Variants in NIPAL2 observed in about 807,000 individuals in gnomAD.
NIPAL2 encodes NIPA like domain containing 2, also known as NIPA-like protein 2.
In NIPAL2, 43 loss-of-function variants were observed where a neutral mutation model predicts 48.9. That is an observed-to-expected ratio of 0.88 (90% CI 0.69 to 1.13). The LOEUF (loss-of-function observed/expected upper bound fraction) is 1.13, where lower values mean the gene tolerates loss of function less well. Among genes scored for constraint, NIPAL2 ranks in the 50% most tolerant of loss-of-function variants. The pLI, the probability that NIPAL2 is intolerant of heterozygous loss-of-function variation, is 0.00. For missense variants in NIPAL2, 446 were observed against 461.4 expected (o/e 0.97, Z 0.31); for synonymous variants, 167 against 174.6 (o/e 0.96, Z 0.34).
chr8:98,260,651 G>T (rs1039227694), intron 1 of NIPAL2, among the ~76,000 whole-genome samples: 1 of 152,164 alleles, frequency 6.6e-6, no homozygotes, highest in Non-Finnish European at 1.5e-5. Flanking sequence ...CTCGCTGATT[G>T]CTAGCACAGC....
At chr8:98,271,104 T>A (rs894539998) in intron 1 of NIPAL2, among the ~76,000 whole-genome samples, 1 of 152,218 alleles carries the variant, frequency 6.6e-6, no homozygotes, top group Non-Finnish European at 1.5e-5. Flanking sequence ...TATAGCCTTC[T>A]AGTATAGTTT....
chr8:98,294,024 G>T lies in NIPAL2; in HGVS notation c.114C>A (p.Gly38=), dbSNP rs576114727. The change falls in exon 1 of 11, where the codon GGC becomes GGA. Residue 38 remains glycine, a synonymous_variant. Transcript: ENST00000430223. ...TTACCTGGTTCCTGCGGTACCAGTC[G>T]CCCGAGAGGGAGCCGTTGCCGGCGC... ...APGAGNGSLS[G]DWYRRNQIHL... The T allele has an allele frequency of 3.3e-6, 5 of 1,495,254 alleles. No individual in the cohort carries two copies. Among genetic ancestry groups the T allele is most frequent in the African/African-American group, 1.5e-5 (1 of 68,510 alleles). 92.6% of individuals were successfully genotyped at this position (1,495,254 alleles called of 1,614,324 possible).
chr8:98,254,114 T>A, intron 1 of NIPAL2, 27 bp from the exon 2 acceptor site: 1 of 1,556,668 alleles, frequency 6.4e-7, no homozygotes, highest in Non-Finnish European at 8.8e-7. Flanking sequence ...TTTCCTTAAA[T>A]AATACTTGTA....
At chr8:98,223,144 G>A (rs986237996) in intron 4 of NIPAL2, among the ~76,000 whole-genome samples, 1 of 152,192 alleles carries the variant, frequency 6.6e-6, no homozygotes, top group Non-Finnish European at 1.5e-5. Flanking sequence ...GCCATTTATT[G>A]GAGTCCTTTT....
intron 1 of NIPAL2, among the ~76,000 whole-genome samples, chr8:98,282,541 C>A (rs1006211453): frequency 3.3e-5 from 5 of 152,110 alleles, no homozygotes; most frequent in Non-Finnish European, 7.4e-5. Context: ...GGCGTGGTGG[C>A]ACGCACCTGT....
intron 1 of NIPAL2, among the ~76,000 whole-genome samples, chr8:98,266,500 C>T (rs1298644421): frequency 6.7e-6 from 1 of 149,484 alleles, no homozygotes; most frequent in Non-Finnish European, 1.5e-5. Context: ...TACTCGGGAG[C>T]CGAGATCATA....
At chr8:98,204,898 A>G (rs954413462) in intron 7 of NIPAL2, among the ~76,000 whole-genome samples, 1 of 152,116 alleles carries the variant, frequency 6.6e-6, no homozygotes, top group Admixed American at 6.6e-5. Flanking sequence ...TGCGCTTTAG[A>G]ACTCACAAGA....
chr8:98,272,149 G>A (rs114740329), intron 1 of NIPAL2, among the ~76,000 whole-genome samples: 158 of 152,248 alleles, frequency 1.0e-3, no homozygotes, highest in African/African-American at 3.7e-3. Context: ...AACTGAACCT[G>A]AGAGGTTTAA....
In NIPAL2 at chr8:98,273,444, G is replaced by A. The variant is rs542547939; in HGVS notation, c.136-19357C>T. 9.9e-5 allele frequency among the ~76,000 whole-genome samples: 15 copies of A among 152,134 alleles called. No individual in the cohort carries two copies. In the South Asian group the frequency reaches 2.7e-3, roughly 27 times the overall value. On this transcript the variant is annotated intron_variant, in intron 1 of 10. Coordinates refer to ENST00000430223, the MANE Select transcript of NIPAL2 (RefSeq NM_001321635.2). Reference sequence around the variant, plus strand: ...AAAATGTTCTAAAATTAATTGTGGTGATAGTTGCATAACTTTGTGATATAC... The same window carrying A: ...AAAATGTTCTAAAATTAATTGTGGTAATAGTTGCATAACTTTGTGATATAC...
At chr8:98,197,096 A>G (rs972957252) in intron 8 of NIPAL2, among the ~76,000 whole-genome samples, 8 of 144,166 alleles carry the variant, frequency 5.5e-5, no homozygotes, top group African/African-American at 1.5e-4. Flanking sequence ...TTTTTTTTCA[A>G]TTTTTTTCTT....
chr8:98,289,846 CT>C (rs1816399391), intron 1 of NIPAL2, among the ~76,000 whole-genome samples: 3 of 152,178 alleles, frequency 2.0e-5, no homozygotes, highest in Non-Finnish European at 4.4e-5. Flanking sequence ...TTGCACTATT[CT>C]TTCTTTAAGG....
At chr8:98,261,829 G>A (rs1329422399) in intron 1 of NIPAL2, among the ~76,000 whole-genome samples, 1 of 146,142 alleles carries the variant, frequency 6.8e-6, no homozygotes, top group African/African-American at 2.6e-5. Flanking sequence ...ATAATTGTCA[G>A]ATTCACCAAA....
intron 5 of NIPAL2, among the ~76,000 whole-genome samples, chr8:98,213,510 G>T (rs1163008867): frequency 6.6e-6 from 1 of 151,956 alleles, no homozygotes; most frequent in Non-Finnish European, 1.5e-5. Context: ...CTCCCTCCTG[G>T]ATCATAAAGT....
intron 4 of NIPAL2, among the ~76,000 whole-genome samples, chr8:98,225,018 A>C (rs7005080): frequency 0.73 from 111,254 of 152,010 alleles, 42,117 homozygotes; most frequent in South Asian, 0.85. Flanking sequence ...CTGCCACTCA[A>C]AGTTCTGGGA....
rs557824737 is a variant in NIPAL2, at chr8:98,220,964, C to CTTTTTTTTTTT, written c.558+1504_558+1514dup. ...TATTTCTCTATCAGTTCATTTCATT[C>CTTTTTTTTTTT]TTTTTTTTTTTTTTTTTTTTTTTTT... On this transcript the variant is annotated intron_variant, in intron 5 of 10. Coordinates refer to ENST00000430223, the MANE Select transcript of NIPAL2 (RefSeq NM_001321635.2). 3.2e-4 allele frequency among the ~76,000 whole-genome samples: 22 copies of CTTTTTTTTTTT among 68,670 alleles called. 1 individual carries two copies. The highest frequency in any genetic ancestry group is 7.0e-4 in the African/African-American group (11 of 15,688). The allele number at this position is 68,670 out of a possible 152,430, so 45.1% of individuals were successfully genotyped here.
At chr8:98,236,303 T>C (rs1563511154) in intron 3 of NIPAL2, 89 bp from the exon 4 acceptor site, 11 of 848,072 alleles carry the variant, frequency 1.3e-5, no homozygotes, top group Admixed American at 2.2e-5. Context: ...AATTTGTGCC[T>C]TATGCCTGAT....
intron 6 of NIPAL2, among the ~76,000 whole-genome samples, chr8:98,209,248 A>G (rs1811187977): frequency 6.6e-6 from 1 of 152,140 alleles, no homozygotes; most frequent in Non-Finnish European, 1.5e-5. Flanking sequence ...ATAACAGCAT[A>G]TAAACATATA....
chr8:98,195,827 G>A, intron 9 of NIPAL2, 115 bp downstream of exon 9: 1 of 675,682 alleles, frequency 1.5e-6, no homozygotes, highest in Non-Finnish European at 2.5e-6. Flanking sequence ...AGGAGCTCAG[G>A]AAACTGATGT....
At chr8:98,267,885 T>C (rs1391710684) in intron 1 of NIPAL2, among the ~76,000 whole-genome samples, 1 of 152,170 alleles carries the variant, frequency 6.6e-6, no homozygotes, top group East Asian at 1.9e-4. Context: ...AATTTAGAGA[T>C]TTAAAATTAG....
Sources: allele counts gnomAD v4.1 joint callset (sites outside exome capture counted in the v4.1 genomes callset), GRCh38; gene constraint gnomAD v4.1.1; transcripts MANE v1.5; gene names NCBI Gene and HGNC (gene_info 2026-07-23, HGNC 2026-07-21).